FREM1: variants seen among roughly 807,000 people sequenced by gnomAD.
The protein encoded by FREM1 is FRAS1-related extracellular matrix protein 1.
Under a neutral mutation model 210.1 loss-of-function variants are expected in FREM1, and 220 were observed. The ratio of observed to expected loss-of-function variants is 1.05; its 90% confidence interval spans 0.94 to 1.17. FREM1 has a LOEUF of 1.17. Ranked by LOEUF, FREM1 falls within the 50% of genes most tolerant of loss-of-function variation. The pLI, the probability that FREM1 is intolerant of heterozygous loss-of-function variation, is 0.00. For synonymous variants in FREM1, 1,189 were observed against 980.2 expected (o/e 1.21, Z -3.98); for missense variants, 3,454 against 2,675.5 (o/e 1.29, Z -6.42).
intron 10 of FREM1, among the ~76,000 whole-genome samples, chr9:14,835,769 C>G (rs551404005): frequency 6.6e-6 from 1 of 152,312 alleles, no homozygotes; most frequent in African/African-American, 2.4e-5. Flanking sequence ...GCACTTTATG[C>G]AAATAATCAG....
Position 14,907,384 on chromosome 9 carries a change from G to C in FREM1, c.-268+2530C>G, listed in dbSNP as rs150782787. ...TTTGCTTTGTTTTTTGTTTCGCTCG[G>C]CCCCTCAAAGATGTCTGTTTAAGCC... On this transcript the variant is annotated intron_variant, in intron 1 of 36. Transcript: ENST00000380880. Among the ~76,000 whole-genome samples, 161 of 152,226 alleles carry C rather than the reference G, an allele frequency of 1.1e-3. 2 individuals are homozygous for C. The highest frequency in any genetic ancestry group is 3.8e-3 in the African/African-American group (158 of 41,532).
At chr9:14,846,176 G>A in intron 7 of FREM1, 85 bp from the exon 8 acceptor site, 1 of 1,138,800 alleles carries the variant, frequency 8.8e-7, no homozygotes, top group Non-Finnish European at 1.3e-6. Context: ...ATACTATGCA[G>A]CCATAAAAAA....
intron 3 of FREM1, among the ~76,000 whole-genome samples, chr9:14,860,581 A>ATGTGTG (rs1829691137): frequency 1.4e-5 from 2 of 138,384 alleles, no homozygotes; most frequent in African/African-American, 5.9e-5. Context: ...ACATATATAT[A>ATGTGTG]CACATATATA....
chr9:14,902,286 C>A (rs547304772), intron 1 of FREM1, among the ~76,000 whole-genome samples: 92 of 152,302 alleles, frequency 6.0e-4, no homozygotes, highest in South Asian at 2.3e-3. Flanking sequence ...ATATTCAAGC[C>A]TGCTGTGAAA....
rs1176733957 is a variant in FREM1 at position 14,770,631 on chromosome 9, T to G, written c.5033A>C (p.His1678Pro). The change falls in exon 26 of 37, where the codon CAT becomes CCT. Residue 1678 changes from histidine to proline, a missense_variant. Physicochemically the swap from His to Pro is moderately conservative, Grantham distance 77. Coordinates refer to ENST00000380880, the MANE Select transcript of FREM1 (RefSeq NM_001379081.2). Reference sequence around the variant, plus strand: ...TGTTGTTGTGTTCTCCAGATGTCCATGTTTTGGGCCTTGTAGAATTTTAAA... The same window carrying G: ...TGTTGTTGTGTTCTCCAGATGTCCAGGTTTTGGGCCTTGTAGAATTTTAAA... ...IIFKILQGPK[H>P]GHLENTTTGE... The G allele has an allele frequency of 3.1e-6, 5 of 1,613,100 alleles. No individual in the cohort carries two copies. The East Asian group carries it at 1.1e-4, about 36-fold the overall frequency.
chr9:14,856,700 G>A (rs1828807460), intron 5 of FREM1, among the ~76,000 whole-genome samples: 1 of 152,036 alleles, frequency 6.6e-6, no homozygotes, highest in East Asian at 1.9e-4. Flanking sequence ...GGGCGTGGTG[G>A]CAGGCGCCTG....
chr9:14,802,669 C>T (rs1179239697), intron 19 of FREM1, among the ~76,000 whole-genome samples: 4 of 151,964 alleles, frequency 2.6e-5, no homozygotes, highest in East Asian at 3.9e-4. Context: ...ATTGAGAGAA[C>T]AAAAAAGTAT....
chr9:14,778,861 G>A (rs926506333), intron 24 of FREM1, among the ~76,000 whole-genome samples: 2 of 151,632 alleles, frequency 1.3e-5, no homozygotes, highest in Non-Finnish European at 2.9e-5. Flanking sequence ...TGGGCAACAT[G>A]GCAAAAGCCC....
chr9:14,795,681 T>C (rs9886925), intron 21 of FREM1, among the ~76,000 whole-genome samples: 27,993 of 152,178 alleles, frequency 0.18, 2,880 homozygotes, highest in South Asian at 0.25. Flanking sequence ...TGGAGTCAAA[T>C]GGAGTTGAGT....
Position 14,812,799 on chromosome 9 carries a change from T to C in FREM1, c.2893+13A>G, listed in dbSNP as rs558424163. On this transcript the variant is annotated intron_variant, in intron 16 of 36. Coordinates refer to ENST00000380880, the MANE Select transcript of FREM1 (RefSeq NM_001379081.2). ...GCTTGCATTCCCTCACTGGTCACCA[T>C]GCTGCTGCTTACCTGTGTGTTTGTA... The C allele has an allele frequency of 2.5e-6, 4 of 1,591,352 alleles. No individual in the cohort carries two copies. The highest frequency in any genetic ancestry group is 3.4e-6 in the Non-Finnish European group (4 of 1,167,298).
intron 24 of FREM1, among the ~76,000 whole-genome samples, chr9:14,780,097 A>T (rs1250295488): frequency 6.6e-6 from 1 of 152,140 alleles, no homozygotes; most frequent in East Asian, 1.9e-4. Context: ...CTCCAAATAC[A>T]TTCTCAATGT....
intron 3 of FREM1, among the ~76,000 whole-genome samples, chr9:14,860,918 C>T (rs146275792): frequency 0.24 from 12,621 of 53,702 alleles, 4,139 homozygotes; most frequent in East Asian, 0.57. Flanking sequence ...TACACATATA[C>T]ACATATATAC....
At chr9:14,866,539 A>C (rs1831556000) in intron 2 of FREM1, among the ~76,000 whole-genome samples, 1 of 152,178 alleles carries the variant, frequency 6.6e-6, no homozygotes, top group Non-Finnish European at 1.5e-5. Flanking sequence ...GGTCATCTGC[A>C]GGGCTTTTGT....
chr9:14,897,314 A>G (rs1360999867), intron 1 of FREM1, among the ~76,000 whole-genome samples: 3 of 152,206 alleles, frequency 2.0e-5, no homozygotes, highest in African/African-American at 7.2e-5. Flanking sequence ...TCTCTTAACT[A>G]AAGTACCTCA....
At chr9:14,875,709 T>G (rs1316705061) in intron 1 of FREM1, among the ~76,000 whole-genome samples, 1 of 152,236 alleles carries the variant, frequency 6.6e-6, no homozygotes, top group Admixed American at 6.5e-5. Context: ...TTTGTTCCGT[T>G]GCTGGTGAGG....
chr9:14,876,759 C>A (rs191426276), intron 1 of FREM1, among the ~76,000 whole-genome samples: 1 of 152,290 alleles, frequency 6.6e-6, no homozygotes, highest in East Asian at 1.9e-4. Flanking sequence ...AGAAATCACC[C>A]GTCTTCTGCA....
intron 22 of FREM1, 66 bp downstream of exon 22, chr9:14,792,677 G>A: frequency 8.4e-7 from 1 of 1,190,572 alleles, no homozygotes; most frequent in Non-Finnish European, 1.2e-6. Context: ...TCATAGAAAT[G>A]TGTATATTGA....
In FREM1 at chr9:14,836,574, A is replaced by G. The variant is rs1408491769; in HGVS notation, c.1881+4873T>C. On this transcript the variant is annotated intron_variant, in intron 10 of 36. Coordinates refer to ENST00000380880, the MANE Select transcript of FREM1 (RefSeq NM_001379081.2). This position sits in a 1 kb window ranked among gnomAD's most constrained non-coding sequence, Gnocchi z 4.9. ...TAATAAATTCCAGTCTTCTTTCTGG[A>G]ATTGGTTAACCCCTTTATTAAGCCC... Among the ~76,000 whole-genome samples, 1 of 152,154 alleles carries G rather than the reference A, an allele frequency of 6.6e-6. No homozygotes were observed. The highest frequency in any genetic ancestry group is 1.5e-5 in the Non-Finnish European group (1 of 68,016).
chr9:14,877,452 T>TTTTTTTTTTTTTTTTG (rs1397729286), intron 1 of FREM1, among the ~76,000 whole-genome samples: 1 of 151,146 alleles, frequency 6.6e-6, no homozygotes, highest in African/African-American at 2.4e-5. Context: ...TTCTTTATGG[T>TTTTTTTTTTTTTTTTG]AGACAGATCT....
Sources: allele counts gnomAD v4.1 joint callset (sites outside exome capture counted in the v4.1 genomes callset), GRCh38; gene constraint gnomAD v4.1.1; non-coding constraint Gnocchi (gnomAD v3.1); transcripts MANE v1.5; gene names NCBI Gene and HGNC (gene_info 2026-07-23, HGNC 2026-07-21).